The following SPAG16 variants were observed in gnomAD, a reference collection of about 807,000 sequenced individuals.
SPAG16 encodes sperm-associated antigen 16 protein.
A neutral mutation model predicts 80.4 loss-of-function variants in SPAG16; 86 were observed. The observed-to-expected ratio is 1.07, with a 90% CI of 0.90 to 1.28. SPAG16 has a LOEUF of 1.28. Ranked by LOEUF, SPAG16 falls within the 50% of genes most tolerant of loss-of-function variation. The pLI, the probability that SPAG16 is intolerant of heterozygous loss-of-function variation, is 0.00. For missense variants in SPAG16, 870 were observed against 765.3 expected, an observed-to-expected ratio of 1.14 and a Z score of -1.61; for synonymous variants, 294 against 265.9, an observed-to-expected ratio of 1.11 and a Z score of -1.03.
chr2:213,816,786 G>A (rs1032615849), intron 10 of SPAG16, among the ~76,000 whole-genome samples: 11 of 151,942 alleles, frequency 7.2e-5, no homozygotes, highest in Non-Finnish European at 1.5e-4. Context: ...TTAAAAATAT[G>A]CATAATTTCA....
intron 10 of SPAG16, among the ~76,000 whole-genome samples, chr2:213,677,826 A>C (rs980566333): frequency 7.2e-5 from 11 of 152,228 alleles, no homozygotes; most frequent in East Asian, 1.9e-4. Context: ...TTTTTTTCAG[A>C]ACCACACCAC....
chr2:213,556,525 G>T (rs2059431704), intron 10 of SPAG16, among the ~76,000 whole-genome samples: 1 of 151,934 alleles, frequency 6.6e-6, no homozygotes, highest in Non-Finnish European at 1.5e-5. Context: ...TATGATAAAG[G>T]AATAACTTCA....
At chr2:213,785,096 A>G (rs1335633600) in intron 10 of SPAG16, among the ~76,000 whole-genome samples, 1 of 152,154 alleles carries the variant, frequency 6.6e-6, no homozygotes, top group African/African-American at 2.4e-5. Context: ...GGACGTATAT[A>G]ATGTAAACAG....
Position 213,387,429 on chromosome 2 carries a change from C to CTTTTTTTT in SPAG16, c.942+12311_942+12312insTTTTTTTT, listed in dbSNP as rs1491308938. Among the ~76,000 whole-genome samples, 214 of 71,748 alleles carry CTTTTTTTT rather than the reference C, an allele frequency of 3.0e-3. 26 individuals are homozygous for CTTTTTTTT. The highest frequency in any genetic ancestry group is 6.8e-3 in the East Asian group (11 of 1,614). 47.1% of individuals were successfully genotyped at this position (71,748 alleles called of 152,430 possible). A position where few individuals can be genotyped will look rare whatever the true frequency, so the allele number is the denominator to read the frequency against. ...TTTTTGGGTTGGAATGAAATGCATG[C>CTTTTTTTT]TCTTTTTTTTTTTTTTTTTTTTTTT... On this transcript the variant is annotated intron_variant, in intron 9 of 15. Transcript: ENST00000331683.
At chr2:213,854,370 G>A (rs938025107) in intron 10 of SPAG16, among the ~76,000 whole-genome samples, 2 of 152,126 alleles carry the variant, frequency 1.3e-5, no homozygotes, top group Non-Finnish European at 2.9e-5. Context: ...GCTGACAAAT[G>A]TTCAGATAAT....
At chr2:213,531,818 A>G (rs1289551491) in intron 10 of SPAG16, among the ~76,000 whole-genome samples, 1 of 152,190 alleles carries the variant, frequency 6.6e-6, no homozygotes, top group Admixed American at 6.6e-5. Context: ...TTCCTACACA[A>G]TCATATGAAT....
chr2:213,650,471 AACTT>A (rs368887419), intron 10 of SPAG16, among the ~76,000 whole-genome samples: 1 of 152,200 alleles, frequency 6.6e-6, no homozygotes, highest in Non-Finnish European at 1.5e-5. Flanking sequence ...AATATCCTAT[AACTT>A]ACTTAGTGAG....
At chr2:213,871,932 G>A (rs62192585) in intron 11 of SPAG16, among the ~76,000 whole-genome samples, 89,715 of 150,614 alleles carry the variant, frequency 0.6, 28,606 homozygotes, top group South Asian at 0.85. Context: ...TTAGAAGGAA[G>A]CCTGATTTTC....
intron 10 of SPAG16, among the ~76,000 whole-genome samples, chr2:213,762,972 A>G (rs1383425098): frequency 6.6e-6 from 1 of 152,236 alleles, no homozygotes; most frequent in Non-Finnish European, 1.5e-5. Context: ...AAAAATGGGC[A>G]AAGAACTTGA....
At chr2:213,587,856 C>T in intron 10 of SPAG16, among the ~76,000 whole-genome samples, 1 of 152,160 alleles carries the variant, frequency 6.6e-6, no homozygotes, top group Admixed American at 6.5e-5. Context: ...CACTTTATAA[C>T]ACTTTTAGGA....
chr2:213,958,031 C>A (rs1002446751), intron 12 of SPAG16, among the ~76,000 whole-genome samples: 1 of 152,056 alleles, frequency 6.6e-6, no homozygotes, highest in African/African-American at 2.4e-5. Context: ...ATTATTTGCC[C>A]AAGAACAGGG....
intron 13 of SPAG16, among the ~76,000 whole-genome samples, chr2:214,014,423 T>C (rs1257721458): frequency 6.6e-6 from 1 of 152,208 alleles, no homozygotes; most frequent in Non-Finnish European, 1.5e-5. Context: ...CGAGAGATTA[T>C]TTTGATGAAA....
intron 12 of SPAG16, among the ~76,000 whole-genome samples, chr2:213,971,944 G>A (rs1305879330): frequency 6.6e-6 from 1 of 150,856 alleles, no homozygotes; most frequent in Non-Finnish European, 1.5e-5. Context: ...GTGTGTGTGT[G>A]TTTTCAATTT....
chr2:214,147,851 C>G (rs1455198765), intron 14 of SPAG16, among the ~76,000 whole-genome samples: 1 of 152,028 alleles, frequency 6.6e-6, no homozygotes, highest in Non-Finnish European at 1.5e-5. Context: ...TAGAGAAAAA[C>G]AATGAGTCCA....
At chr2:213,767,218 C>T (rs763991102) in intron 10 of SPAG16, among the ~76,000 whole-genome samples, 1 of 152,156 alleles carries the variant, frequency 6.6e-6, no homozygotes, top group Non-Finnish European at 1.5e-5. Context: ...TCTTAACACG[C>T]ATTATATGTT....
chr2:214,292,097 G>T (rs1467071172), intron 15 of SPAG16, among the ~76,000 whole-genome samples: 1 of 152,106 alleles, frequency 6.6e-6, no homozygotes, highest in East Asian at 1.9e-4. Context: ...GGCCTAACAG[G>T]TTTCTGCTGA....
rs969271085 is a variant in SPAG16, at chr2:214,358,748, G to A, written c.1721-51392G>A. Among the ~76,000 whole-genome samples, 5 of 151,954 alleles carry A rather than the reference G, an allele frequency of 3.3e-5. No homozygotes were observed. In the East Asian group the frequency reaches 7.7e-4, roughly 24 times the overall value. On this transcript the variant is annotated intron_variant, in intron 15 of 15. Transcript: ENST00000331683. ...GACTCGAATAATAATGGGAGTTGGG[G>A]GTTGAGGGGCACACAGTTAGAAAGG...
chr2:213,345,907 G>A (rs962607173), intron 6 of SPAG16, among the ~76,000 whole-genome samples: 2 of 152,136 alleles, frequency 1.3e-5, no homozygotes, highest in East Asian at 1.9e-4. Flanking sequence ...GTTTTTTCCA[G>A]TTCTGTGAAG....
At chr2:214,377,291 C>A (rs144322890) in intron 15 of SPAG16, among the ~76,000 whole-genome samples, 1 of 152,124 alleles carries the variant, frequency 6.6e-6, no homozygotes, top group Non-Finnish European at 1.5e-5. Context: ...TGGACCCATA[C>A]GAAGTGCCAC....
Sources: allele counts gnomAD v4.1 joint callset (sites outside exome capture counted in the v4.1 genomes callset), GRCh38; gene constraint gnomAD v4.1.1; transcripts MANE v1.5; gene names NCBI Gene and HGNC (gene_info 2026-07-23, HGNC 2026-07-21).